The following PCDH15 variants were observed in gnomAD, a reference collection of about 807,000 sequenced individuals.
PCDH15 encodes the protein protocadherin related 15.
In PCDH15, 129 loss-of-function variants were observed where a neutral mutation model predicts 178.5. That is an observed-to-expected ratio of 0.72 (90% CI 0.63 to 0.84). The LOEUF (loss-of-function observed/expected upper bound fraction) is 0.84, where lower values mean the gene tolerates loss of function less well. PCDH15 is among the 40% of genes least tolerant of loss of function. PCDH15 has a pLI of 0.00. For missense variants in PCDH15, 2,230 were observed against 2,099.9 expected, an observed-to-expected ratio of 1.06 and a Z score of -1.21; for synonymous variants, 800 against 732.0, an observed-to-expected ratio of 1.09 and a Z score of -1.50.
At chr10:55,059,861 A>T (rs1841387693) in intron 2 of PCDH15, among the ~76,000 whole-genome samples, 1 of 152,116 alleles carries the variant, frequency 6.6e-6, no homozygotes, top group Admixed American at 6.6e-5. Flanking sequence ...ATAATATTGC[A>T]TGCGATTTTA....
rs537923624 is a variant in PCDH15, at chr10:54,139,848, A to G, written c.1785-6841T>C. ...TATATTTTAGGAAGGTGATAATGAAAAAAATAACAATTTTTATAAGAAAAG... is the reference window on the plus strand; with the variant it reads ...TATATTTTAGGAAGGTGATAATGAAGAAAATAACAATTTTTATAAGAAAAG... On this transcript the variant is annotated intron_variant, in intron 14 of 37. Transcript: ENST00000644397. Among the ~76,000 whole-genome samples the G allele has an allele frequency of 4.9e-4, 75 of 152,292 alleles. No individual in the cohort carries two copies. The South Asian group carries it at 7.7e-3, about 16-fold the overall frequency.
chr10:55,033,890 T>G (rs1173337680), intron 2 of PCDH15, among the ~76,000 whole-genome samples: 3 of 152,132 alleles, frequency 2.0e-5, no homozygotes, highest in Non-Finnish European at 4.4e-5. Context: ...CCATAAGGGC[T>G]CTTCCCTTCT....
chr10:55,360,114 T>A (rs2131977492), intron 2 of PCDH15, among the ~76,000 whole-genome samples: 1 of 152,110 alleles, frequency 6.6e-6, no homozygotes, highest in Admixed American at 6.6e-5. Context: ...AAACTTTCAA[T>A]GGAGCTTTTA....
intron 1 of PCDH15, among the ~76,000 whole-genome samples, chr10:55,253,178 A>T (rs1235594878): frequency 4.0e-5 from 6 of 148,352 alleles, no homozygotes; most frequent in African/African-American, 1.6e-4. Flanking sequence ...AGACAGAAAC[A>T]GAGAGAATGG....
intron 10 of PCDH15, among the ~76,000 whole-genome samples, chr10:54,197,532 T>G (rs960703694): frequency 7.9e-5 from 12 of 152,134 alleles, no homozygotes; most frequent in Non-Finnish European, 1.5e-4. Flanking sequence ...TTAAATCAAT[T>G]AAAATGAAAA....
chr10:55,092,483 G>T (rs1842341603), intron 2 of PCDH15, among the ~76,000 whole-genome samples: 1 of 151,666 alleles, frequency 6.6e-6, no homozygotes, highest in South Asian at 2.1e-4. Flanking sequence ...TAAACCAAGG[G>T]TGCATGAAAT....
chr10:53,823,255 C>A, intron 32 of PCDH15: 2 of 1,613,826 alleles, frequency 1.2e-6, no homozygotes, highest in Non-Finnish European at 1.7e-6. Flanking sequence ...TTGTGAGCCT[C>A]AATAGTATTG....
intron 11 of PCDH15, chr10:54,189,388 T>C (rs1166826557): frequency 6.5e-7 from 1 of 1,541,208 alleles, no homozygotes; most frequent in Non-Finnish European, 8.8e-7. Context: ...GTGGAACCTA[T>C]ACGCAAATTA....
chr10:55,311,777 T>C (rs747088118), intron 1 of PCDH15, among the ~76,000 whole-genome samples: 2 of 152,180 alleles, frequency 1.3e-5, no homozygotes, highest in Non-Finnish European at 2.9e-5. Context: ...TCAGTCCTAA[T>C]TACAGGTAAC....
chr10:55,305,903 C>A (rs1843410766), intron 1 of PCDH15, among the ~76,000 whole-genome samples: 1 of 152,098 alleles, frequency 6.6e-6, no homozygotes, highest in African/African-American at 2.4e-5. Flanking sequence ...TGCCCAATGA[C>A]AAAACATTAT....
intron 3 of PCDH15, among the ~76,000 whole-genome samples, chr10:54,467,350 GT>G (rs1453734421): frequency 6.6e-6 from 1 of 151,562 alleles, no homozygotes; most frequent in Non-Finnish European, 1.5e-5. Flanking sequence ...AATTTGTTGA[GT>G]TTTTATCTTA....
At chr10:54,697,495 C>T (rs1022526769) in intron 1 of PCDH15, among the ~76,000 whole-genome samples, 8 of 145,566 alleles carry the variant, frequency 5.5e-5, no homozygotes, top group Non-Finnish European at 1.5e-5. Context: ...ATGTATATCG[C>T]TATGCTTATT....
intron 2 of PCDH15, among the ~76,000 whole-genome samples, chr10:55,403,533 T>G (rs1838124998): frequency 6.6e-6 from 1 of 151,956 alleles, no homozygotes; most frequent in Admixed American, 6.6e-5. Context: ...CTATTTGAGT[T>G]GATTTTTTAT....
intron 13 of PCDH15, among the ~76,000 whole-genome samples, chr10:54,182,769 A>G (rs938254412): frequency 3.3e-5 from 5 of 152,046 alleles, no homozygotes; most frequent in African/African-American, 1.2e-4. Flanking sequence ...AATTTAATCA[A>G]TTTCTACAGT....
chr10:53,961,212 T>G (rs2088269698), intron 22 of PCDH15, among the ~76,000 whole-genome samples: 1 of 152,030 alleles, frequency 6.6e-6, no homozygotes, highest in African/African-American at 2.4e-5. Flanking sequence ...TTTTTCAAAT[T>G]TTCTAGGATT....
chr10:54,505,916 A>G (rs1343744180), intron 3 of PCDH15, among the ~76,000 whole-genome samples: 1 of 152,166 alleles, frequency 6.6e-6, no homozygotes, highest in Non-Finnish European at 1.5e-5. Context: ...GATATGGTAG[A>G]TCTCTCTTCC....
In PCDH15 at chr10:55,436,088, C is replaced by T. The variant is rs192925550; in HGVS notation, c.-156+191537G>A. Among the ~76,000 whole-genome samples, 274 of 151,984 alleles carry T rather than the reference C, an allele frequency of 1.8e-3. 1 individual carries two copies. The highest frequency in any genetic ancestry group is 6.3e-3 in the African/African-American group (260 of 41,494). The stretch of plus-strand genomic sequence containing the variant: ...GTAGTAGTATCTGATCTCTTTAACC[C>T]TATGCTGAAAATTCTTAATTATGGA... On this transcript the variant is annotated intron_variant, in intron 2 of 5. Transcript: ENST00000613346.
intron 2 of PCDH15, among the ~76,000 whole-genome samples, chr10:55,482,706 CCCTTTGGAGGTAA>C (rs1840209357): frequency 6.6e-6 from 1 of 151,782 alleles, no homozygotes; most frequent in Admixed American, 6.6e-5. Flanking sequence ...TGATGGGCTT[CCCTTTGGAGGTAA>C]CCTGGTCTTT....
At chr10:54,344,802 T>C (rs12771601) in intron 6 of PCDH15, among the ~76,000 whole-genome samples, 10,634 of 149,566 alleles carry the variant, frequency 0.071, 496 homozygotes, top group African/African-American at 0.13. Context: ...ATTTCTTATG[T>C]AACCCTTCAT....
Sources: allele counts gnomAD v4.1 joint callset (sites outside exome capture counted in the v4.1 genomes callset), GRCh38; gene constraint gnomAD v4.1.1; transcripts MANE v1.5; gene names NCBI Gene and HGNC (gene_info 2026-07-23, HGNC 2026-07-21).